ADGB: variants seen among roughly 807,000 people sequenced by gnomAD.
The protein encoded by ADGB is calpain-7-like protein.
Under a neutral mutation model 210.5 loss-of-function variants are expected in ADGB, and 172 were observed. The observed-to-expected ratio is 0.82, with a 90% confidence interval of 0.72 to 0.93. The LOEUF (loss-of-function observed/expected upper bound fraction) is 0.93. Among genes scored for constraint, ADGB ranks in the 40% least tolerant of loss-of-function variants. The pLI is 0.00. For missense variants in ADGB, 2,025 were observed against 1,964.8 expected, an observed-to-expected ratio of 1.03 and a Z score of -0.58; for synonymous variants, 658 against 662.7, an observed-to-expected ratio of 0.99 and a Z score of 0.11.
intron 10 of ADGB, among the ~76,000 whole-genome samples, chr6:146,687,869 T>G (rs1258750180): frequency 6.6e-6 from 1 of 152,050 alleles, no homozygotes; most frequent in African/African-American, 2.4e-5. Flanking sequence ...AACCACAAAG[T>G]GTAAGCACAG....
At chr6:146,736,407 C>A in intron 22 of ADGB, 91 bp from the exon 23 acceptor site, 1 of 831,008 alleles carries the variant, frequency 1.2e-6, no homozygotes, top group Non-Finnish European at 1.8e-6. Context: ...TTGTGAGTTT[C>A]AACTTCATTT....
intron 17 of ADGB, among the ~76,000 whole-genome samples, chr6:146,722,435 C>G (rs537851047): frequency 1.3e-5 from 2 of 152,274 alleles, no homozygotes; most frequent in Admixed American, 1.3e-4. Flanking sequence ...CCTGGAAAAA[C>G]TTCACTATTG....
Position 146,712,625 on chromosome 6 carries a change from C to G in ADGB, c.1708-2757C>G, listed in dbSNP as rs543353359. Among the ~76,000 whole-genome samples the G allele has an allele frequency of 2.6e-5, 4 of 152,204 alleles. No individual in the cohort carries two copies. In the South Asian group the frequency reaches 8.3e-4, roughly 32 times the overall value. ...ACCACTTCCTCAATAATTTTCTCTTCTCATTTTCTCTGCTTTGTGGATCTT... is the reference window on the plus strand; with the variant it reads ...ACCACTTCCTCAATAATTTTCTCTTGTCATTTTCTCTGCTTTGTGGATCTT... On this transcript the variant is annotated intron_variant, in intron 13 of 35. Transcript: ENST00000397944.
At chr6:146,758,662 A>C (rs544628371) in intron 27 of ADGB, among the ~76,000 whole-genome samples, 8 of 152,070 alleles carry the variant, frequency 5.3e-5, no homozygotes, top group African/African-American at 1.7e-4. Context: ...ATTTTACATG[A>C]TATTTCTATT....
At chr6:146,682,096 A>G (rs1776165246) in intron 9 of ADGB, among the ~76,000 whole-genome samples, 1 of 152,124 alleles carries the variant, frequency 6.6e-6, no homozygotes, top group Non-Finnish European at 1.5e-5. Context: ...ACATCTGAAA[A>G]AAATCATATA....
chr6:146,668,254 A>T (rs1425206191), intron 7 of ADGB, among the ~76,000 whole-genome samples: 1 of 152,108 alleles, frequency 6.6e-6, no homozygotes, highest in Non-Finnish European at 1.5e-5. Context: ...TCTACAGTAC[A>T]GTTATCAACC....
In ADGB at chr6:146,806,878, G is replaced by A. The variant is rs544631080; in HGVS notation, c.4818+4867G>A. Among the ~76,000 whole-genome samples, 6 of 152,306 alleles carry A rather than the reference G, an allele frequency of 3.9e-5. No individual in the cohort carries two copies. The South Asian group carries it at 8.3e-4, about 21-fold the overall frequency. On this transcript the variant is annotated intron_variant, in intron 35 of 35. Transcript: ENST00000397944. Reference sequence around the variant, plus strand: ...GTGCGGTTAAGCAAGAATAAGAACAGTAAATGATCTTGGATTTAACTACAT... The same window carrying A: ...GTGCGGTTAAGCAAGAATAAGAACAATAAATGATCTTGGATTTAACTACAT...
intron 1 of ADGB, among the ~76,000 whole-genome samples, chr6:146,624,779 T>C (rs990799781): frequency 6.6e-5 from 10 of 152,004 alleles, no homozygotes; most frequent in Non-Finnish European, 8.8e-5. Flanking sequence ...TGCTGTGTTT[T>C]CATTTTTATT....
At chr6:146,711,049 A>T (rs1776650172) in intron 13 of ADGB, among the ~76,000 whole-genome samples, 1 of 152,130 alleles carries the variant, frequency 6.6e-6, no homozygotes, top group African/African-American at 2.4e-5. Flanking sequence ...GTTATGGGAG[A>T]TAAAGATTTA....
At chr6:146,799,336 A>C (rs1172339260) in intron 33 of ADGB, among the ~76,000 whole-genome samples, 4 of 152,082 alleles carry the variant, frequency 2.6e-5, no homozygotes, top group Non-Finnish European at 2.9e-5. Context: ...AGAAAGAAAG[A>C]AAACTCCTGA....
intron 20 of ADGB, among the ~76,000 whole-genome samples, chr6:146,732,089 C>A (rs1427762107): frequency 6.6e-6 from 1 of 152,124 alleles, no homozygotes; most frequent in African/African-American, 2.4e-5. Flanking sequence ...GGAATTTTAT[C>A]AATTCTATGT....
At chr6:146,748,457 C>A (rs1284712721) in intron 26 of ADGB, among the ~76,000 whole-genome samples, 2 of 152,154 alleles carry the variant, frequency 1.3e-5, no homozygotes, top group Non-Finnish European at 2.9e-5. Context: ...GGGAGAGAAC[C>A]TGTTTCGTGA....
In ADGB at chr6:146,740,601, T is replaced by G. The variant is rs75708185; in HGVS notation, c.3023+8T>G. 3,661 of 1,548,588 alleles carry G rather than the reference T, an allele frequency of 2.4e-3. 56 individuals are homozygous for G. The East Asian group carries it at 0.045, about 19-fold the overall frequency. On this transcript the variant is annotated splice_region_variant and intron_variant, in intron 24 of 35. Coordinates refer to ENST00000397944, the MANE Select transcript of ADGB (RefSeq NM_024694.4). ...TTGGTTTATAGTATTCAGGTGAGGTTGTTATATAGTGACAAATATGTCTCT... is the reference window on the plus strand; with the variant it reads ...TTGGTTTATAGTATTCAGGTGAGGTGGTTATATAGTGACAAATATGTCTCT...
chr6:146,660,693 G>C (rs1269254283), intron 5 of ADGB, among the ~76,000 whole-genome samples: 2 of 152,082 alleles, frequency 1.3e-5, no homozygotes, highest in East Asian at 1.9e-4. Context: ...AAACAATGCT[G>C]TAAAATTTCA....
intron 20 of ADGB, among the ~76,000 whole-genome samples, chr6:146,730,396 A>C (rs1016057035): frequency 6.6e-6 from 1 of 152,186 alleles, no homozygotes. Context: ...AAGCAGATAC[A>C]GCCCATTTCA....
chr6:146,736,724 C>T (rs992555117), intron 23 of ADGB, 133 bp downstream of exon 23: 3 of 496,004 alleles, frequency 6.0e-6, no homozygotes, highest in Non-Finnish European at 1.1e-5. Flanking sequence ...GGACCTTCCA[C>T]AATATTTTAT....
intron 9 of ADGB, among the ~76,000 whole-genome samples, chr6:146,678,267 C>A (rs1776110180): frequency 6.6e-6 from 1 of 152,116 alleles, no homozygotes; most frequent in South Asian, 2.1e-4. Context: ...TGCTGTGTCG[C>A]CCAGGCTGGA....
In ADGB at chr6:146,599,012, G is replaced by A; in HGVS notation, c.-29G>A. 2 of 1,544,780 alleles carry A rather than the reference G, an allele frequency of 1.3e-6. No individual in the cohort carries two copies. The highest frequency in any genetic ancestry group is 2.0e-5 in the Admixed American group (1 of 50,936). On this transcript the variant is annotated 5_prime_UTR_variant, in exon 1 of 36. Coordinates refer to ENST00000397944, the MANE Select transcript of ADGB (RefSeq NM_024694.4). ...CGCGCCCGCAGGCTCTTTGCTCAGAGCTCAGCCCTACATAGATCGGCTTCT... is the reference window on the plus strand; with the variant it reads ...CGCGCCCGCAGGCTCTTTGCTCAGAACTCAGCCCTACATAGATCGGCTTCT...
intron 1 of ADGB, among the ~76,000 whole-genome samples, chr6:146,625,710 C>T (rs998625952): frequency 5.9e-5 from 9 of 152,080 alleles, no homozygotes; most frequent in Non-Finnish European, 1.2e-4. Flanking sequence ...GTTAAAGCTT[C>T]CAGAAGCCAA....
Sources: gnomAD v4.1 joint callset for allele counts (sites outside exome capture counted in the v4.1 genomes callset) on GRCh38, gnomAD v4.1.1 for gene constraint, MANE v1.5 for transcripts, NCBI Gene and HGNC (gene_info 2026-07-23, HGNC 2026-07-21) for gene names.